GNB5: variants seen among roughly 807,000 people sequenced by gnomAD.
The protein encoded by GNB5 is G protein subunit beta 5.
In GNB5, 37 loss-of-function variants were observed where a neutral mutation model predicts 55.3. That is an observed-to-expected ratio of 0.67 (90% CI 0.51 to 0.88). The LOEUF is 0.88. GNB5 is among the 40% of genes least tolerant of loss of function. The pLI is 0.00. For synonymous variants in GNB5, 219 were observed against 198.5 expected, an observed-to-expected ratio of 1.10 and a Z score of -0.87; for missense variants, 476 against 515.3, an observed-to-expected ratio of 0.92 and a Z score of 0.74.
rs539883668 is a variant in GNB5, at chr15:52,133,985, C to T, written c.772-516G>A. ...AGCAAAGCTGGAGAGCCAGGTGCCC[C>T]GGGCCATCTGCACCCTCAGCAGCAT... On this transcript the variant is annotated intron_variant, in intron 8 of 12. Transcript: ENST00000261837. 9.8e-5 allele frequency among the ~76,000 whole-genome samples: 15 copies of T among 152,326 alleles called. No homozygotes were observed. In the East Asian group the frequency reaches 2.1e-3, roughly 22 times the overall value.
chr15:52,185,759 A>ATTATTT (rs1323567550), intron 1 of GNB5, among the ~76,000 whole-genome samples: 1 of 115,428 alleles, frequency 8.7e-6, no homozygotes, highest in East Asian at 2.5e-4. Context: ...TCTTTTTATT[A>ATTATTT]TTATTATTAT....
chr15:52,138,435 C>T (rs2033778494), intron 7 of GNB5: 1 of 143,234 alleles, frequency 7.0e-6, no homozygotes, highest in Non-Finnish European at 1.5e-5. Context: ...AGGGAAGGAA[C>T]AAATTACAAG....
rs796604773 is a variant in GNB5 at position 52,117,177 on chromosome 15, G to C, written c.*5580C>G. 1 of 147,556 alleles carries C rather than the reference G, an allele frequency of 6.8e-6. No individual in the cohort carries two copies. Among genetic ancestry groups the C allele is most frequent in the Non-Finnish European group, 1.5e-5 (1 of 67,376 alleles). The allele number at this position is 147,556 out of a possible 1,614,324, so 9.1% of individuals were successfully genotyped here. On this transcript the variant is annotated 3_prime_UTR_variant, in exon 13 of 13. Transcript: ENST00000261837. ...GATCTCCTGACCTCGTGATCCACCC[G>C]CCTCGGCCTCCCAAAGTGCTGGGAT...
intron 9 of GNB5, among the ~76,000 whole-genome samples, chr15:52,129,779 C>G (rs1051775185): frequency 6.6e-6 from 1 of 152,098 alleles, no homozygotes; most frequent in Non-Finnish European, 1.5e-5. Context: ...TGGCACTAAA[C>G]CCAGGGGGTG....
intron 3 of GNB5, among the ~76,000 whole-genome samples, chr15:52,165,712 A>G (rs1406458354): frequency 6.6e-6 from 1 of 151,752 alleles, no homozygotes; most frequent in Non-Finnish European, 1.5e-5. Context: ...CCAAATATAG[A>G]AAGGAAAAAC....
At chr15:52,136,535 G>A (rs2033728347) in intron 7 of GNB5, among the ~76,000 whole-genome samples, 1 of 152,174 alleles carries the variant, frequency 6.6e-6, no homozygotes, top group Non-Finnish European at 1.5e-5. Flanking sequence ...GGAATGCTGA[G>A]GCTGGTCACG....
chr15:52,133,488 C>A lies in GNB5; in HGVS notation c.772-19G>T, dbSNP rs756820772. The A allele has an allele frequency of 2.6e-6, 4 of 1,530,666 alleles. No individual in the cohort carries two copies. Among genetic ancestry groups the A allele is most frequent in the Middle Eastern group, 1.7e-4 (1 of 5,930 alleles). The allele number at this position is 1,530,666 out of a possible 1,614,324, so 94.8% of individuals were successfully genotyped here. A position where few individuals can be genotyped will look rare whatever the true frequency, so the allele number is the denominator to read the frequency against. On this transcript the variant is annotated intron_variant, in intron 8 of 12. Coordinates refer to ENST00000261837, the MANE Select transcript of GNB5 (RefSeq NM_016194.4). ...CACATCCCTACAAATGAAAATTAGC[C>A]AGAGTTATGGCCACTTTAAGGAATG...
chr15:52,160,254 T>G (rs2034302730), intron 3 of GNB5, among the ~76,000 whole-genome samples: 1 of 152,156 alleles, frequency 6.6e-6, no homozygotes, highest in Admixed American at 6.5e-5. Flanking sequence ...GGCCAGGAAA[T>G]TAGCTTCTTA....
In GNB5 at chr15:52,117,046, C is replaced by CT. The variant is rs1354776994; in HGVS notation, c.*5710_*5711insA. 2 of 145,924 alleles carry CT rather than the reference C, an allele frequency of 1.4e-5. No individual in the cohort carries two copies. The highest frequency in any genetic ancestry group is 5.1e-5 in the African/African-American group (2 of 39,284). 9.0% of individuals were successfully genotyped at this position (145,924 alleles called of 1,614,324 possible). The stretch of plus-strand genomic sequence containing the variant: ...TCATGCCATTCTCCTGCCCCAGCCT[C>CT]CCGAGCAGCTGGGACTACAGGCACC... On this transcript the variant is annotated 3_prime_UTR_variant, in exon 13 of 13. Transcript: ENST00000261837.
At chr15:52,147,373 T>G in intron 6 of GNB5, 86 bp downstream of exon 6, 8 of 812,952 alleles carry the variant, frequency 9.8e-6, no homozygotes, top group Non-Finnish European at 1.8e-5. Flanking sequence ...ACAAAAACTG[T>G]GAGTTCTTGT....
intron 3 of GNB5, among the ~76,000 whole-genome samples, chr15:52,166,444 C>T (rs1009903735): frequency 6.6e-6 from 1 of 152,196 alleles, no homozygotes; most frequent in African/African-American, 2.4e-5. Context: ...GGAAGTAAAA[C>T]TCTCCTTAGT....
intron 2 of GNB5, chr15:52,180,228 T>G (rs1292863883): frequency 6.0e-6 from 1 of 165,568 alleles, no homozygotes; most frequent in Non-Finnish European, 1.3e-5. Flanking sequence ...GGATTCCAAC[T>G]CGGGACTCCC....
intron 7 of GNB5, chr15:52,137,071 T>C: frequency 2.0e-6 from 1 of 506,224 alleles, no homozygotes; most frequent in East Asian, 6.9e-5. Flanking sequence ...AGACCCACCT[T>C]AAAATCACCA....
At chr15:52,133,120 A>G (rs1381664365) in intron 9 of GNB5, among the ~76,000 whole-genome samples, 1 of 152,186 alleles carries the variant, frequency 6.6e-6, no homozygotes, top group Non-Finnish European at 1.5e-5. Context: ...TAAATACTTA[A>G]TAAATATTTA....
rs1243957202 is a variant in GNB5 at position 52,117,089 on chromosome 15, A to AATTTATATAT, written c.*5667_*5668insATATATAAAT. The AATTTATATAT allele has an allele frequency of 1.2e-5, 1 of 85,474 alleles. No homozygotes were observed. Among genetic ancestry groups the AATTTATATAT allele is most frequent in the African/African-American group, 1.1e-4 (1 of 8,820 alleles). 5.3% of individuals were successfully genotyped at this position (85,474 alleles called of 1,614,324 possible). A position where few individuals can be genotyped will look rare whatever the true frequency, so the allele number is the denominator to read the frequency against. Reference sequence around the variant, plus strand: ...CAGGCACCTGCCACCACGCCCAGCTAATATATATATATATTTTTTTTTAGT... The same window carrying AATTTATATAT: ...CAGGCACCTGCCACCACGCCCAGCTAATTTATATATATATATATATATATTTTTTTTTAGT... On this transcript the variant is annotated 3_prime_UTR_variant, in exon 13 of 13. Coordinates refer to ENST00000261837, the MANE Select transcript of GNB5 (RefSeq NM_016194.4).
chr15:52,134,291 AAACAGCTAAAAAGT>A (rs1472110987), intron 8 of GNB5, among the ~76,000 whole-genome samples: 2 of 152,206 alleles, frequency 1.3e-5, no homozygotes, highest in Non-Finnish European at 2.9e-5. Flanking sequence ...TTATATGATC[AAACAGCTAAAAAGT>A]AACAGCTTAA....
intron 7 of GNB5, chr15:52,137,943 G>A (rs1304262786): frequency 1.6e-6 from 2 of 1,285,178 alleles, no homozygotes; most frequent in Non-Finnish European, 2.0e-6. Flanking sequence ...GATTACTGAT[G>A]GCTGAGGAAA....
chr15:52,174,778 TC>T (rs145121538), intron 3 of GNB5, among the ~76,000 whole-genome samples: 1,761 of 152,188 alleles, frequency 0.012, 29 homozygotes, highest in African/African-American at 0.041. Flanking sequence ...TGCAGGACTT[TC>T]CATTTTAAAA....
intron 12 of GNB5, among the ~76,000 whole-genome samples, chr15:52,123,959 A>T (rs1318606214): frequency 6.7e-6 from 1 of 149,082 alleles, no homozygotes; most frequent in East Asian, 2.0e-4. Flanking sequence ...CAAATTTGGC[A>T]TATAATTTCA....
Sources: allele counts gnomAD v4.1 joint callset (sites outside exome capture counted in the v4.1 genomes callset), GRCh38; gene constraint gnomAD v4.1.1; transcripts MANE v1.5; gene names NCBI Gene and HGNC (gene_info 2026-07-23, HGNC 2026-07-21).